The following ZNF423 variants were observed in gnomAD, a reference collection of about 807,000 sequenced individuals.
The protein encoded by ZNF423 is Ebf-associated zinc finger protein.
Under a neutral mutation model 95.8 loss-of-function variants are expected in ZNF423, and 12 were observed. That is an observed-to-expected ratio of 0.13 (90% confidence interval 0.08 to 0.20). The LOEUF (loss-of-function observed/expected upper bound fraction) is 0.20, where lower values mean the gene tolerates loss of function less well. ZNF423 is among the 10% of genes least tolerant of loss of function. The probability of loss-of-function intolerance (pLI) is 1.00; values close to 1 mark genes in which losing one functional copy is unlikely to be tolerated. For synonymous variants in ZNF423, 749 were observed against 711.9 expected (o/e 1.05, Z -0.83); for missense variants, 1,316 against 1,737.1 (o/e 0.76, Z 4.31).
intron 1 of ZNF423, among the ~76,000 whole-genome samples, chr16:49,839,633 A>G (rs1045124263): frequency 6.6e-5 from 10 of 152,200 alleles, no homozygotes; most frequent in African/African-American, 2.2e-4. Flanking sequence ...GCTTCTGCCC[A>G]GAAACAGCCC....
intron 3 of ZNF423, among the ~76,000 whole-genome samples, chr16:49,678,909 G>A (rs530309407): frequency 3.3e-5 from 5 of 152,304 alleles, no homozygotes; most frequent in Non-Finnish European, 5.9e-5. Context: ...CAAATGCTCA[G>A]AGATACCTTG....
chr16:49,592,962 C>G (rs539517370), intron 5 of ZNF423, among the ~76,000 whole-genome samples: 1 of 152,294 alleles, frequency 6.6e-6, no homozygotes. Flanking sequence ...GGTTGTGGGT[C>G]TGGAGAAGGG....
At chr16:49,512,955 G>T (rs929697631) in intron 7 of ZNF423, among the ~76,000 whole-genome samples, 8 of 152,116 alleles carry the variant, frequency 5.3e-5, no homozygotes. Flanking sequence ...AATTAGCCAG[G>T]CATGGTGGTG....
chr16:49,580,708 C>T (rs1416016442), intron 5 of ZNF423, among the ~76,000 whole-genome samples: 1 of 152,220 alleles, frequency 6.6e-6, no homozygotes. Flanking sequence ...GCCAGAGAAG[C>T]AAATGTTATA....
At chr16:49,711,006 C>T (rs2032526669) in intron 3 of ZNF423, among the ~76,000 whole-genome samples, 1 of 152,146 alleles carries the variant, frequency 6.6e-6, no homozygotes, top group Non-Finnish European at 1.5e-5. Context: ...CTGTGGGCCC[C>T]TCAAGCACAG....
intron 2 of ZNF423, among the ~76,000 whole-genome samples, chr16:49,737,143 G>T (rs1596947679): frequency 6.6e-6 from 1 of 151,882 alleles, no homozygotes; most frequent in East Asian, 1.9e-4. Context: ...TCTGCAGGTA[G>T]GTGCAATGGA....
At chr16:49,596,516 G>C (rs1053928316) in intron 5 of ZNF423, among the ~76,000 whole-genome samples, 1 of 152,158 alleles carries the variant, frequency 6.6e-6, no homozygotes, top group African/African-American at 2.4e-5. Flanking sequence ...TTATAAAATT[G>C]TTGCATACAT....
In ZNF423 at chr16:49,543,530, G is replaced by T. The variant is rs889867409; in HGVS notation, c.3602-18036C>A. On this transcript the variant is annotated intron_variant, in intron 5 of 7. Coordinates refer to ENST00000563137, the MANE Select transcript of ZNF423 (RefSeq NM_001379286.1). ...CAATCCAGCTAATTTGCATAATGAT[G>T]AAGCCCTCCAGTGCGGGCTGGGTCT... Among the ~76,000 whole-genome samples, 3 of 152,224 alleles carry T rather than the reference G, an allele frequency of 2.0e-5. No individual in the cohort carries two copies. In the East Asian group the frequency reaches 5.8e-4, roughly 29 times the overall value.
intron 5 of ZNF423, among the ~76,000 whole-genome samples, chr16:49,608,197 G>A (rs376895382): frequency 2.6e-5 from 4 of 152,158 alleles, no homozygotes; most frequent in Non-Finnish European, 5.9e-5. Flanking sequence ...AAGGACCATC[G>A]GAGGGAAGAA....
intron 5 of ZNF423, among the ~76,000 whole-genome samples, chr16:49,583,711 G>C (rs1970741287): frequency 6.6e-6 from 1 of 152,150 alleles, no homozygotes; most frequent in South Asian, 2.1e-4. Flanking sequence ...TCCAATAATG[G>C]CAAGTGCCTA....
chr16:49,642,675 C>T (rs1973013551), intron 3 of ZNF423, among the ~76,000 whole-genome samples: 1 of 152,180 alleles, frequency 6.6e-6, no homozygotes, highest in Non-Finnish European at 1.5e-5. Context: ...CATCCCACCC[C>T]CTCCAAATGC....
chr16:49,536,628 A>T (rs894198208), intron 5 of ZNF423, among the ~76,000 whole-genome samples: 11 of 151,930 alleles, frequency 7.2e-5, no homozygotes, highest in African/African-American at 2.4e-4. Context: ...TAGAGATGGG[A>T]TCTTGCTATC....
chr16:49,800,200 T>G (rs990017901), intron 1 of ZNF423, among the ~76,000 whole-genome samples: 4 of 151,234 alleles, frequency 2.6e-5, no homozygotes, highest in African/African-American at 9.7e-5. Context: ...GCAGAGATTG[T>G]GCCACTGCAC....
chr16:49,520,688 C>T (rs900644661), intron 7 of ZNF423, among the ~76,000 whole-genome samples: 2 of 152,170 alleles, frequency 1.3e-5, no homozygotes, highest in African/African-American at 4.8e-5. Flanking sequence ...CCTCCCACTG[C>T]CCCACCCAAA....
intron 3 of ZNF423, among the ~76,000 whole-genome samples, chr16:49,721,370 T>C (rs2032861239): frequency 6.6e-6 from 1 of 152,112 alleles, no homozygotes; most frequent in Non-Finnish European, 1.5e-5. Flanking sequence ...ACAGCAGGTA[T>C]GGTATCACTG....
At chr16:49,622,838 G>T (rs892355544) in intron 5 of ZNF423, among the ~76,000 whole-genome samples, 2 of 152,212 alleles carry the variant, frequency 1.3e-5, no homozygotes, top group Admixed American at 6.5e-5. Flanking sequence ...CACATAGAAA[G>T]GCTGAGTCAG....
intron 2 of ZNF423, among the ~76,000 whole-genome samples, chr16:49,740,756 C>G (rs1371718016): frequency 9.9e-5 from 15 of 152,196 alleles, no homozygotes. Context: ...TGGGCTGCTC[C>G]GTCTGGCCAT....
intron 3 of ZNF423, among the ~76,000 whole-genome samples, chr16:49,681,755 A>G (rs1220175569): frequency 6.6e-6 from 1 of 151,870 alleles, no homozygotes; most frequent in East Asian, 1.9e-4. Context: ...GGCCTTTCAT[A>G]TTATGATTTT....
At chr16:49,847,736 T>C (rs1321347017) in intron 1 of ZNF423, 2 of 151,634 alleles carry the variant, frequency 1.3e-5, no homozygotes, top group Non-Finnish European at 2.9e-5. Context: ...TGCAGATCCC[T>C]AATCCACCAT....
Sources: allele counts gnomAD v4.1 joint callset (sites outside exome capture counted in the v4.1 genomes callset), GRCh38; gene constraint gnomAD v4.1.1; transcripts MANE v1.5; gene names NCBI Gene and HGNC (gene_info 2026-07-23, HGNC 2026-07-21).